Variants in PRMT8 observed in about 807,000 individuals in gnomAD.
PRMT8 encodes protein arginine methyltransferase 8, also known as protein arginine N-methyltransferase 8.
Under a neutral mutation model 47.1 loss-of-function variants are expected in PRMT8, and 7 were observed. That is an observed-to-expected ratio of 0.15 (90% CI 0.08 to 0.28). PRMT8 has a LOEUF of 0.28. Ranked by LOEUF, PRMT8 falls within the 10% of genes least tolerant of loss-of-function variation. The pLI, the probability that PRMT8 is intolerant of heterozygous loss-of-function variation, is 1.00. For synonymous variants in PRMT8, 188 were observed against 186.5 expected, an observed-to-expected ratio of 1.01 and a Z score of -0.07; for missense variants, 237 against 505.4, an observed-to-expected ratio of 0.47 and a Z score of 5.09.
chr12:3,584,088 T>G (rs992264856), intron 8 of PRMT8, among the ~76,000 whole-genome samples: 1 of 152,226 alleles, frequency 6.6e-6, no homozygotes, highest in Non-Finnish European at 1.5e-5. Context: ...GCTTGGGGGC[T>G]TAACCACACA....
At chr12:3,579,404 C>CT (rs1169367468) in intron 7 of PRMT8, among the ~76,000 whole-genome samples, 1 of 152,120 alleles carries the variant, frequency 6.6e-6, no homozygotes, top group Non-Finnish European at 1.5e-5. Context: ...TAGCAGGGGC[C>CT]TTTCAGTTGG....
At chr12:3,519,394 G>A (rs1865846148) in intron 1 of PRMT8, among the ~76,000 whole-genome samples, 1 of 152,322 alleles carries the variant, frequency 6.6e-6, no homozygotes, top group Non-Finnish European at 1.5e-5. Flanking sequence ...GCTGGGGGAA[G>A]GTTCTAGAGG....
intron 1 of PRMT8, among the ~76,000 whole-genome samples, chr12:3,512,896 T>C (rs1165679586): frequency 6.6e-6 from 1 of 152,216 alleles, no homozygotes; most frequent in Non-Finnish European, 1.5e-5. Flanking sequence ...GGCATCACCA[T>C]TCTTCATCTC....
chr12:3,423,604 C>A (rs1239518768), intron 1 of PRMT8, among the ~76,000 whole-genome samples: 1 of 152,160 alleles, frequency 6.6e-6, no homozygotes, highest in East Asian at 1.9e-4. Context: ...TTTAATAGTG[C>A]CAATAACACA....
rs546903849 is a variant in PRMT8 at position 3,546,870 on chromosome 12, A to G, written c.262-3066A>G. ...AAAAGGTAAGACAAAGTTACAGATCAATGTTTCTCATAATTATGAATATGC... is the reference window on the plus strand; with the variant it reads ...AAAAGGTAAGACAAAGTTACAGATCGATGTTTCTCATAATTATGAATATGC... On this transcript the variant is annotated intron_variant, in intron 2 of 9. Coordinates refer to ENST00000382622, the MANE Select transcript of PRMT8 (RefSeq NM_019854.5). Among the ~76,000 whole-genome samples, 8 of 152,350 alleles carry G rather than the reference A, an allele frequency of 5.3e-5. No individual in the cohort carries two copies. The South Asian group carries it at 1.4e-3, about 28-fold the overall frequency.
chr12:3,573,915 A>G (rs1036139018), intron 6 of PRMT8: 1 of 152,214 alleles, frequency 6.6e-6, no homozygotes, highest in African/African-American at 2.4e-5. Context: ...ATTTATTTGT[A>G]TCCTACTCCA....
chr12:3,398,819 A>T (rs1230369347), intron 1 of PRMT8, among the ~76,000 whole-genome samples: 1 of 152,238 alleles, frequency 6.6e-6, no homozygotes, highest in Non-Finnish European at 1.5e-5. Flanking sequence ...CTCACCAGGC[A>T]GGGGGAATGC....
At chr12:3,406,749 G>C (rs116082412) in intron 1 of PRMT8, among the ~76,000 whole-genome samples, 2,508 of 152,282 alleles carry the variant, frequency 0.016, 70 homozygotes, top group African/African-American at 0.055. Context: ...CAAATCTGTA[G>C]GAAGTTCCAA....
At chr12:3,491,848 G>A in intron 1 of PRMT8, 148 bp downstream of exon 1, 1 of 236,188 alleles carries the variant, frequency 4.2e-6, no homozygotes, top group East Asian at 5.8e-5. Context: ...GTGTGTGTGT[G>A]TGTGTGTGTG....
At chr12:3,473,537 G>A (rs1052420224) in intron 1 of PRMT8, among the ~76,000 whole-genome samples, 1 of 151,988 alleles carries the variant, frequency 6.6e-6, no homozygotes, top group Admixed American at 6.6e-5. Flanking sequence ...CTTTCTCCTT[G>A]GGTGAGCTGA....
rs758093077 is a variant in PRMT8, at chr12:3,593,052, C to G, written c.1102-47C>G. ...GTGCCAGAGAGTGGGGCTGTGGCTT[C>G]ATACCCAGACGGCCGCCTGACCCTT... On this transcript the variant is annotated intron_variant, in intron 9 of 9. Transcript: ENST00000382622. The surrounding 1 kb of genome is among the most constrained non-coding windows in gnomAD (Gnocchi z 4.8). 2.0e-6 allele frequency: 3 copies of G among 1,508,178 alleles called. No individual in the cohort carries two copies. The Admixed American group carries it at 5.1e-5, about 25-fold the overall frequency. 93.4% of individuals were successfully genotyped at this position (1,508,178 alleles called of 1,614,324 possible).
rs749603979 is a variant in PRMT8, at chr12:3,491,586, C to T, written c.-40C>T. 1.2e-6 allele frequency: 2 copies of T among 1,602,514 alleles called. No individual in the cohort carries two copies. The highest frequency in any genetic ancestry group is 1.7e-5 in the Admixed American group (1 of 58,204). On this transcript the variant is annotated 5_prime_UTR_variant, in exon 1 of 10. Transcript: ENST00000382622. Reference sequence around the variant, plus strand: ...TAAAGCGACACCAGCTCTCTCTCCTCCTCTACTATCTCGGTATCACCAAAC... The same window carrying T: ...TAAAGCGACACCAGCTCTCTCTCCTTCTCTACTATCTCGGTATCACCAAAC...
upstream of PRMT8, among the ~76,000 whole-genome samples, chr12:3,486,368 G>A (rs1301704562): frequency 1.3e-5 from 2 of 152,142 alleles, no homozygotes; most frequent in Non-Finnish European, 2.9e-5. Context: ...GTATATTAGA[G>A]TTAGTCATTT....
In PRMT8 at chr12:3,552,667, G is replaced by A. The variant is rs200429809; in HGVS notation, c.418-984G>A. The A allele has an allele frequency of 1.8e-5, 8 of 453,280 alleles. No homozygotes were observed. Among genetic ancestry groups the A allele is most frequent in the South Asian group, 3.1e-5 (2 of 64,126 alleles). The allele number at this position is 453,280 out of a possible 1,614,324, so 28.1% of individuals were successfully genotyped here. On this transcript the variant is annotated intron_variant, in intron 3 of 9. Transcript: ENST00000382622. The surrounding 1 kb of genome is among the most constrained non-coding windows in gnomAD (Gnocchi z 4.5). ...CTGGCTGGAGTCGGCCTCCTTGGAT[G>A]CAGCTCTAACCAAGTGACCCCTTCT...
At chr12:3,528,317 C>A (rs907631163) in intron 1 of PRMT8, among the ~76,000 whole-genome samples, 2 of 152,086 alleles carry the variant, frequency 1.3e-5, no homozygotes, top group Non-Finnish European at 2.9e-5. Context: ...TGTCCCACAG[C>A]TCAATGATAT....
chr12:3,562,674 T>A (rs887214897), intron 4 of PRMT8, among the ~76,000 whole-genome samples: 1 of 152,182 alleles, frequency 6.6e-6, no homozygotes, highest in Non-Finnish European at 1.5e-5. Context: ...TGTCGTTAGC[T>A]TGAAATTGGC....
chr12:3,434,022 A>T (rs896307942), intron 1 of PRMT8, among the ~76,000 whole-genome samples: 12 of 152,346 alleles, frequency 7.9e-5, no homozygotes, highest in African/African-American at 2.9e-4. Flanking sequence ...CTTCAGTGAA[A>T]AAACATTTGA....
chr12:3,481,095 C>G (rs1004503108), intron 1 of PRMT8, among the ~76,000 whole-genome samples: 24 of 152,296 alleles, frequency 1.6e-4, no homozygotes, highest in African/African-American at 5.5e-4. Flanking sequence ...TCTGCCTGAC[C>G]AAATGCAGAA....
chr12:3,508,283 G>C lies in PRMT8; in HGVS notation c.75+16583G>C, dbSNP rs550809477. On this transcript the variant is annotated intron_variant, in intron 1 of 9. Coordinates refer to ENST00000382622, the MANE Select transcript of PRMT8 (RefSeq NM_019854.5). This position sits in a 1 kb window ranked among gnomAD's most constrained non-coding sequence, Gnocchi z 4.9. ...GACTGCAGGGTGTCGGGATGTTTCT[G>C]TGTGGGGATATGTACACGCTTCTGA... Among the ~76,000 whole-genome samples, 35 of 152,322 alleles carry C rather than the reference G, an allele frequency of 2.3e-4. 2 individuals are homozygous for C. In the South Asian group the frequency reaches 7.2e-3, roughly 32 times the overall value.
Sources: allele counts gnomAD v4.1 joint callset (sites outside exome capture counted in the v4.1 genomes callset), GRCh38; gene constraint gnomAD v4.1.1; non-coding constraint Gnocchi (gnomAD v3.1); transcripts MANE v1.5; gene names NCBI Gene and HGNC (gene_info 2026-07-23, HGNC 2026-07-21).